PADI3: variants seen among roughly 807,000 people sequenced by gnomAD.
PADI3 encodes the protein peptidyl arginine deiminase 3, also known as protein-arginine deiminase type-3.
PADI3 carries 53 observed loss-of-function variants against 71.5 expected under a neutral mutation model. That is an observed-to-expected ratio of 0.74 (90% CI 0.59 to 0.93). The LOEUF is 0.93. Among genes scored for constraint, PADI3 ranks in the 40% least tolerant of loss-of-function variants. The probability of loss-of-function intolerance (pLI) is 0.00; values close to 1 mark genes in which losing one functional copy is unlikely to be tolerated. For synonymous variants in PADI3, 361 were observed against 347.5 expected, an observed-to-expected ratio of 1.04 and a Z score of -0.43; for missense variants, 821 against 868.0, an observed-to-expected ratio of 0.95 and a Z score of 0.68.
intron 1 of PADI3, among the ~76,000 whole-genome samples, chr1:17,254,734 T>TTTTTTG (rs2073007615): frequency 6.8e-6 from 1 of 147,476 alleles, no homozygotes; most frequent in Non-Finnish European, 1.5e-5. Flanking sequence ...TTTTTTTTTT[T>TTTTTTG]GAGATGGAGT....
chr1:17,268,782 T>C (rs1569899920), intron 6 of PADI3, among the ~76,000 whole-genome samples: 1 of 151,982 alleles, frequency 6.6e-6, no homozygotes, highest in Non-Finnish European at 1.5e-5. Flanking sequence ...GCTGGGATTA[T>C]AGGCGTGAGC....
At chr1:17,256,202 T>C (rs370823070) in intron 1 of PADI3, among the ~76,000 whole-genome samples, 10 of 152,334 alleles carry the variant, frequency 6.6e-5, no homozygotes, top group African/African-American at 2.4e-4. Flanking sequence ...ACTCCTTCCC[T>C]GTCCTGGGCC....
rs898829902 is a variant in PADI3 at position 17,249,107 on chromosome 1, G to A, written c.-31G>A. 2 of 1,596,190 alleles carry A rather than the reference G, an allele frequency of 1.3e-6. No individual in the cohort carries two copies. The highest frequency in any genetic ancestry group is 1.7e-6 in the Non-Finnish European group (2 of 1,163,726). On this transcript the variant is annotated 5_prime_UTR_variant, in exon 1 of 16. Transcript: ENST00000375460. ...AAGGGGCCTCAGGGGCAGTGTTGGG[G>A]TTGGCGGCCACAGCTAAGTCCAACA... is the stretch of plus-strand genomic sequence containing the variant.
In PADI3 at chr1:17,273,415, G is replaced by A. The variant is rs1435888322; in HGVS notation, c.1123G>A (p.Glu375Lys). 1 of 1,613,530 alleles carries A rather than the reference G, an allele frequency of 6.2e-7. No individual in the cohort carries two copies. Among genetic ancestry groups the A allele is most frequent in the Admixed American group, 1.7e-5 (1 of 59,988 alleles). The change falls in exon 10 of 16, where the codon GAA becomes AAA. Residue 375 changes from glutamate to lysine, a missense_variant. By Grantham distance (56) the Glu-to-Lys change is moderately conservative. Transcript: ENST00000375460. The part of the protein sequence containing the change: ...PVVFDSPRNG[E>K]LQDFPYKRIL... ...GGTCTTTGACTCCCCAAGGAATGGGGAACTGCAGGATTTCCCTTACAAAAG... is the reference window on the plus strand; with the variant it reads ...GGTCTTTGACTCCCCAAGGAATGGGAAACTGCAGGATTTCCCTTACAAAAG...
At chr1:17,277,441 C>T (rs2073349420) in intron 13 of PADI3, among the ~76,000 whole-genome samples, 1 of 152,174 alleles carries the variant, frequency 6.6e-6, no homozygotes, top group South Asian at 2.1e-4. Context: ...GTGATCAGCC[C>T]GCCTCGGCCT....
Position 17,274,788 on chromosome 1 carries a change from TGAGA to T in PADI3, c.1307+9_1307+12del, listed in dbSNP as rs748862313. On this transcript the variant is annotated splice_donor_5th_base_variant and intron_variant, in intron 11 of 15. Transcript: ENST00000375460. ...CCTCATTGGGGGCAACCTGCCTGGG[TGAGA>T]GAGAGACAGGGAATGGAGTTCCTGG... 3.1e-6 allele frequency: 5 copies of T among 1,612,080 alleles called. No individual in the cohort carries two copies.
rs975519656 is a variant in PADI3 at position 17,249,159 on chromosome 1, C to T, written c.22C>T (p.Arg8Cys). MSLQRIV[R>C]VSLEHPTSAV... ...CAGCATGTCGCTGCAGAGAATCGTGCGTGTGTCCCTGGAGCATCCCACCAG... is the reference window on the plus strand; with the variant it reads ...CAGCATGTCGCTGCAGAGAATCGTGTGTGTGTCCCTGGAGCATCCCACCAG... Residue 8 changes from arginine to cysteine, a missense_variant, in exon 1 of 16, where the codon CGT becomes TGT. Transcript: ENST00000375460. 3.7e-6 allele frequency: 6 copies of T among 1,614,022 alleles called. No homozygotes were observed. Among genetic ancestry groups the T allele is most frequent in the African/African-American group, 1.3e-5 (1 of 74,912 alleles).
chr1:17,257,031 C>CAAAA (rs967292996), intron 1 of PADI3, among the ~76,000 whole-genome samples: 5 of 37,604 alleles, frequency 1.3e-4, no homozygotes, highest in Admixed American at 4.8e-4. Flanking sequence ...GACTCTGTCT[C>CAAAA]AAAAAAAAAA....
chr1:17,269,628 GT>G (rs1280697328), intron 6 of PADI3, among the ~76,000 whole-genome samples: 2 of 151,426 alleles, frequency 1.3e-5, no homozygotes, highest in African/African-American at 2.4e-5. Flanking sequence ...GTTGGTTTTG[GT>G]TTTTTTTGAG....
chr1:17,281,445 TTTTTC>T (rs1395638117), intron 15 of PADI3, among the ~76,000 whole-genome samples: 4 of 17,414 alleles, frequency 2.3e-4, no homozygotes, highest in Non-Finnish European at 4.0e-4. Flanking sequence ...TTTTTTTCTT[TTTTTC>T]TTTTTTTTTT....
chr1:17,263,211 G>C (rs2073124726), intron 3 of PADI3, among the ~76,000 whole-genome samples: 2 of 152,230 alleles, frequency 1.3e-5, no homozygotes, highest in African/African-American at 4.8e-5. Context: ...ACTGTGCCCA[G>C]CCCCAACATG....
chr1:17,268,693 G>C (rs1367499914), intron 6 of PADI3, among the ~76,000 whole-genome samples: 1 of 151,654 alleles, frequency 6.6e-6, no homozygotes, highest in African/African-American at 2.4e-5. Flanking sequence ...ATTTTTAGTA[G>C]AGACAGGGTT....
In PADI3 at chr1:17,282,932, G is replaced by C; in HGVS notation, c.1848G>C (p.Lys616Asn). Residue 616 changes from lysine (K) to asparagine (N), a missense_variant, in exon 16 of 16, where the codon AAG becomes AAC. Coordinates refer to ENST00000375460, the MANE Select transcript of PADI3 (RefSeq NM_016233.2). ...IINGCCCLEE[K>N]VRSLLEPLGL... ...ATGGCTGCTGCTGCCTGGAGGAGAA[G>C]GTGCGGTCCCTGCTGGAGCCGCTGG... 1 of 1,614,150 alleles carries C rather than the reference G, an allele frequency of 6.2e-7. No individual in the cohort carries two copies. Among genetic ancestry groups the C allele is most frequent in the South Asian group, 1.1e-5 (1 of 91,090 alleles).
intron 2 of PADI3, 46 bp downstream of exon 2, chr1:17,259,804 G>T: frequency 6.6e-7 from 1 of 1,520,886 alleles, no homozygotes; most frequent in Non-Finnish European, 9.0e-7. Flanking sequence ...GAGGGAGGCA[G>T]CTGTCTAGCT....
chr1:17,281,067 G>A (rs1190876171), intron 15 of PADI3, among the ~76,000 whole-genome samples: 2 of 152,262 alleles, frequency 1.3e-5, no homozygotes, highest in Non-Finnish European at 2.9e-5. Context: ...ATGATTGCAT[G>A]AGGTCACGTG....
At chr1:17,272,749 C>T (rs2073272129) in intron 9 of PADI3, among the ~76,000 whole-genome samples, 1 of 152,170 alleles carries the variant, frequency 6.6e-6, no homozygotes, top group African/African-American at 2.4e-5. Context: ...CCTCCCGCCT[C>T]ACCCTCCCAA....
chr1:17,279,882 C>T (rs1015830991), intron 13 of PADI3, among the ~76,000 whole-genome samples: 24 of 152,194 alleles, frequency 1.6e-4, no homozygotes, highest in Non-Finnish European at 2.6e-4. Context: ...CCCCATTTCA[C>T]GCAGTCACCC....
intron 3 of PADI3, among the ~76,000 whole-genome samples, chr1:17,262,968 G>T (rs1220191709): frequency 6.6e-6 from 1 of 152,196 alleles, no homozygotes; most frequent in Non-Finnish European, 1.5e-5. Context: ...AGGCTGGAGT[G>T]CAATGGCACA....
chr1:17,264,565 C>A (rs1348449295), intron 3 of PADI3, among the ~76,000 whole-genome samples: 1 of 152,112 alleles, frequency 6.6e-6, no homozygotes, highest in Non-Finnish European at 1.5e-5. Flanking sequence ...AACGCAATAC[C>A]CAAATAACAT....
Sources: gnomAD v4.1 joint callset for allele counts (sites outside exome capture counted in the v4.1 genomes callset) on GRCh38, gnomAD v4.1.1 for gene constraint, MANE v1.5 for transcripts, NCBI Gene and HGNC (gene_info 2026-07-23, HGNC 2026-07-21) for gene names.